FRRS1: variants seen among roughly 807,000 people sequenced by gnomAD.
FRRS1 encodes the protein ferric chelate reductase 1.
In FRRS1, 51 loss-of-function variants were observed where a neutral mutation model predicts 70.7. The ratio of observed to expected loss-of-function variants is 0.72; its 90% CI spans 0.58 to 0.91. The LOEUF (loss-of-function observed/expected upper bound fraction) is 0.91. FRRS1 is among the 40% of genes least tolerant of loss of function. The pLI, the probability that FRRS1 is intolerant of heterozygous loss-of-function variation, is 0.00. For synonymous variants in FRRS1, 225 were observed against 238.7 expected, an observed-to-expected ratio of 0.94 and a Z score of 0.53; for missense variants, 672 against 726.0, an observed-to-expected ratio of 0.93 and a Z score of 0.86.
chr1:99,709,044 G>A lies in FRRS1; in HGVS notation c.1763C>T (p.Ala588Val). The A allele has an allele frequency of 6.2e-7, 1 of 1,613,738 alleles. No homozygotes were observed. Among genetic ancestry groups the A allele is most frequent in the Non-Finnish European group, 8.5e-7 (1 of 1,179,930 alleles). Residue 588 changes from alanine to valine, a missense_variant, in exon 17 of 17, where the codon GCA becomes GTA. Transcript: ENST00000646001. Reference sequence around the variant, plus strand: ...TTTGCTTGCTCATAGATGGTTGATTGCAGATAAAAATATGATGAGAAAAGT... The same window carrying A: ...TTTGCTTGCTCATAGATGGTTGATTACAGATAAAAATATGATGAGAAAAGT... ...NVTFLIIFLS[A>V]INHL
intron 1 of FRRS1, among the ~76,000 whole-genome samples, chr1:99,750,769 A>G (rs765122051): frequency 1.3e-4 from 20 of 152,156 alleles, no homozygotes; most frequent in Admixed American, 6.5e-5. Flanking sequence ...CAGAAGGAGA[A>G]GAGGGAAGGA....
chr1:99,748,870 GTTCAGCAAACCATA>G lies in FRRS1; in HGVS notation c.-1+13_-1+26del. 1 of 804,920 alleles carries G rather than the reference GTTCAGCAAACCATA, an allele frequency of 1.2e-6. No homozygotes were observed. Among genetic ancestry groups the G allele is most frequent in the South Asian group, 2.0e-5 (1 of 50,884 alleles). 49.9% of individuals were successfully genotyped at this position (804,920 alleles called of 1,614,324 possible). On this transcript the variant is annotated intron_variant, in intron 2 of 16. Coordinates refer to ENST00000646001, the MANE Select transcript of FRRS1 (RefSeq NM_001361041.2). ...TTCTAGATAACTACTTGCTTTCTGT[GTTCAGCAAACCATA>G]TTCTCAACATACCTGATAAAAAGAA...
chr1:99,730,591 G>A (rs1655307734), intron 7 of FRRS1, among the ~76,000 whole-genome samples: 1 of 152,126 alleles, frequency 6.6e-6, no homozygotes, highest in Non-Finnish European at 1.5e-5. Flanking sequence ...AAGCGGGCCG[G>A]GCGAGGTGGC....
intron 9 of FRRS1, among the ~76,000 whole-genome samples, chr1:99,725,140 G>A (rs1655020033): frequency 6.6e-6 from 1 of 152,136 alleles, no homozygotes; most frequent in South Asian, 2.1e-4. Flanking sequence ...AGTTGACAAT[G>A]GGGTTCGTGC....
intron 1 of FRRS1, among the ~76,000 whole-genome samples, chr1:99,759,687 T>G (rs150637902): frequency 6.6e-6 from 1 of 152,122 alleles, no homozygotes; most frequent in East Asian, 1.9e-4. Flanking sequence ...AGAAAAGGAT[T>G]GTAGTTTTAC....
At chr1:99,747,746 A>G in intron 3 of FRRS1, 2 of 196,548 alleles carry the variant, frequency 1.0e-5, no homozygotes, top group South Asian at 1.2e-4. Context: ...TACTATGCTT[A>G]TCACCTGAGT....
chr1:99,762,156 G>T (rs1007501410), intron 1 of FRRS1, among the ~76,000 whole-genome samples: 1 of 152,140 alleles, frequency 6.6e-6, no homozygotes, highest in African/African-American at 2.4e-5. Flanking sequence ...TGGAAAAAGA[G>T]GGATTCTGAA....
rs1334209248 is a variant in FRRS1 at position 99,709,057 on chromosome 1, T to C, written c.1750A>G (p.Ile584Val). 2 of 1,613,912 alleles carry C rather than the reference T, an allele frequency of 1.2e-6. No homozygotes were observed. The highest frequency in any genetic ancestry group is 1.7e-5 in the Admixed American group (1 of 60,006). Residue 584 changes from isoleucine to valine, a missense_variant, in exon 17 of 17, where the codon ATA becomes GTA. Physicochemically the swap from Ile to Val is conservative, Grantham distance 29 (BLOSUM62 3). Transcript: ENST00000646001. ...YVCGNVTFLI[I>V]FLSAINHL ...AGATGGTTGATTGCAGATAAAAATA[T>C]GATGAGAAAAGTAACATTCCCACAG...
At position 99,704,290 on chromosome 1, in the gene FRRS1, T is replaced by C. The variant is rs1340617768; in HGVS notation, c.*4738A>G. Among the ~76,000 whole-genome samples the C allele has an allele frequency of 6.6e-6, 1 of 152,170 alleles. No individual in the cohort carries two copies. Among genetic ancestry groups the C allele is most frequent in the Non-Finnish European group, 1.5e-5 (1 of 68,026 alleles). On this transcript the variant is annotated 3_prime_UTR_variant, in exon 17 of 17. Coordinates refer to ENST00000646001, the MANE Select transcript of FRRS1 (RefSeq NM_001361041.2). ...CAGGTCTTCTAATTTCCAGTCCTTT[T>C]TAATTTACAGGATCAGCTGCCTCCC...
At position 99,706,273 on chromosome 1, in the gene FRRS1, G is replaced by A. The variant is rs1029327646; in HGVS notation, c.*2755C>T. On this transcript the variant is annotated 3_prime_UTR_variant, in exon 17 of 17. Transcript: ENST00000646001. ...TAATTAGCTGGCTGTGGTGGTGCAC[G>A]GAGTTGGTGCCTGTAGTTCCAGCTA... Among the ~76,000 whole-genome samples the A allele has an allele frequency of 3.4e-4, 51 of 151,682 alleles. No homozygotes were observed. Among genetic ancestry groups the A allele is most frequent in the African/African-American group, 1.2e-3 (49 of 41,300 alleles).
chr1:99,740,399 C>A (rs1655898355), intron 6 of FRRS1, among the ~76,000 whole-genome samples: 1 of 152,160 alleles, frequency 6.6e-6, no homozygotes, highest in Admixed American at 6.5e-5. Context: ...ACAGAGGACT[C>A]CAAAACGTGC....
At chr1:99,728,759 T>G (rs548173141) in intron 8 of FRRS1, 119 bp from the exon 9 acceptor site, 3 of 666,314 alleles carry the variant, frequency 4.5e-6, no homozygotes, top group South Asian at 6.7e-5. Context: ...CCATGCTTTG[T>G]CTGCAGTGTC....
rs1190472159 is a variant in FRRS1, at chr1:99,738,136, C to T, written c.709G>A (p.Gly237Ser). Residue 237 changes from glycine (G) to serine (S), a missense_variant, in exon 7 of 17, where the codon GGC becomes AGC. By Grantham distance (56) the Gly-to-Ser change is moderately conservative. Coordinates refer to ENST00000646001, the MANE Select transcript of FRRS1 (RefSeq NM_001361041.2). ...AAGGATAAATAGCCTTTACTGGGGC[C>T]GCTCATTTCAACCATCACCGATTGG... The part of the protein sequence containing the change: ...DDQSVMVEMS[G>S]PSKGYLSFAL... 3 of 1,613,682 alleles carry T rather than the reference C, an allele frequency of 1.9e-6. No individual in the cohort carries two copies. Among genetic ancestry groups the T allele is most frequent in the East Asian group, 2.2e-5 (1 of 44,876 alleles).
rs1571103777 is a variant in FRRS1 at position 99,719,638 on chromosome 1, T to C, written c.1016A>G (p.Tyr339Cys). Residue 339 changes from tyrosine to cysteine, a missense_variant, in exon 10 of 17, where the codon TAC becomes TGC. Physicochemically the swap from Tyr to Cys is radical, Grantham distance 194. Coordinates refer to ENST00000646001, the MANE Select transcript of FRRS1 (RefSeq NM_001361041.2). ...AATCAAAGGTTGCTGAGAGTGCTTG[T>C]AAATTCGACCTGCAAATTAAAAACA... ...ADGAANDGRI[Y>C]KHSQQPLITY... 6.4e-7 allele frequency: 1 copy of C among 1,569,662 alleles called. No homozygotes were observed. Among genetic ancestry groups the C allele is most frequent in the Admixed American group, 1.7e-5 (1 of 58,374 alleles).
At chr1:99,730,595 AGG>A (rs1557693153) in intron 7 of FRRS1, among the ~76,000 whole-genome samples, 5 of 152,062 alleles carry the variant, frequency 3.3e-5, no homozygotes, top group Non-Finnish European at 7.4e-5. Flanking sequence ...GGGCCGGGCG[AGG>A]TGGCTCACGC....
At chr1:99,712,599 ATTC>A in intron 12 of FRRS1, 84 bp from the exon 13 acceptor site, 3 of 671,374 alleles carry the variant, frequency 4.5e-6, no homozygotes, top group Non-Finnish European at 7.6e-6. Context: ...ACACAGATGT[ATTC>A]TTAGTATTTT....
At chr1:99,736,191 G>T (rs1655647623) in intron 7 of FRRS1, among the ~76,000 whole-genome samples, 1 of 151,928 alleles carries the variant, frequency 6.6e-6, no homozygotes, top group South Asian at 2.1e-4. Context: ...GTTCATTTTT[G>T]CCAACACTAA....
chr1:99,706,107 C>A lies in FRRS1; in HGVS notation c.*2921G>T, dbSNP rs1184547627. Among the ~76,000 whole-genome samples, 3 of 151,910 alleles carry A rather than the reference C, an allele frequency of 2.0e-5. No homozygotes were observed. Among genetic ancestry groups the A allele is most frequent in the Non-Finnish European group, 2.9e-5 (2 of 68,008 alleles). On this transcript the variant is annotated 3_prime_UTR_variant, in exon 17 of 17. Coordinates refer to ENST00000646001, the MANE Select transcript of FRRS1 (RefSeq NM_001361041.2). Reference sequence around the variant, plus strand: ...ATCAAAAGATTTGGTCTATTTGGGGCCAGGTGCAATGGCTCATGCCTATAA... The same window carrying A: ...ATCAAAAGATTTGGTCTATTTGGGGACAGGTGCAATGGCTCATGCCTATAA...
rs1056642520 is a variant in FRRS1, at chr1:99,741,794, C to T, written c.428+385G>A. Among the ~76,000 whole-genome samples, 5 of 152,206 alleles carry T rather than the reference C, an allele frequency of 3.3e-5. 1 individual carries two copies. The highest frequency in any genetic ancestry group is 1.2e-4 in the African/African-American group (5 of 41,438). ...AGCTCTTATTAGGATTAAGGCAGTA[C>T]AAGACTTCATTCACTTAACAAATGT... On this transcript the variant is annotated intron_variant, in intron 5 of 16. Transcript: ENST00000646001.
Sources: gnomAD v4.1 joint callset for allele counts (sites outside exome capture counted in the v4.1 genomes callset) on GRCh38, gnomAD v4.1.1 for gene constraint, MANE v1.5 for transcripts, NCBI Gene and HGNC (gene_info 2026-07-23, HGNC 2026-07-21) for gene names.